KMT2A: variants seen among roughly 807,000 people sequenced by gnomAD.
The protein encoded by KMT2A is lysine methyltransferase 2A.
KMT2A carries 16 observed loss-of-function variants against 345.3 expected under a neutral mutation model. That is an observed-to-expected ratio of 0.05 (90% CI 0.03 to 0.07). The LOEUF is 0.07. Among genes scored for constraint, KMT2A ranks in the 10% least tolerant of loss-of-function variants. The probability of loss-of-function intolerance (pLI) is 1.00; values close to 1 mark genes in which losing one functional copy is unlikely to be tolerated. For synonymous variants in KMT2A, 1,599 were observed against 1,778.6 expected (o/e 0.90, Z 2.54); for missense variants, 3,272 against 4,841.6 (o/e 0.68, Z 9.62).
chr11:118,457,975 C>T (rs576210370), intron 1 of KMT2A, among the ~76,000 whole-genome samples: 29 of 152,056 alleles, frequency 1.9e-4, no homozygotes, highest in Non-Finnish European at 3.8e-4. Context: ...TAGGAATGGC[C>T]GATATATATT....
chr11:118,480,617 AT>A (rs1950114159), intron 6 of KMT2A, among the ~76,000 whole-genome samples: 2 of 151,976 alleles, frequency 1.3e-5, no homozygotes, highest in Admixed American at 6.6e-5. Context: ...TTTTAAATGT[AT>A]TTTTTTAACT....
intron 7 of KMT2A, 83 bp from the exon 8 acceptor site, chr11:118,482,339 C>G: frequency 7.2e-5 from 35 of 484,418 alleles, no homozygotes; most frequent in Non-Finnish European, 8.1e-5. Flanking sequence ...TTTTTTTTTT[C>G]TAATGGCCCT....
Position 118,468,854 on chromosome 11 carries a change from A to G in KMT2A, c.502+10A>G, listed in dbSNP as rs372798047. 1.3e-4 allele frequency: 208 copies of G among 1,609,036 alleles called. No individual in the cohort carries two copies. The highest frequency in any genetic ancestry group is 8.8e-5 in the Non-Finnish European group (104 of 1,175,650). ...ACAAGGTCTCCTTCAGGTACGGCCA[A>G]TTAAGTGCATGGTGCCTTTTAAGTT... is the stretch of plus-strand genomic sequence containing the variant. On this transcript the variant is annotated intron_variant, in intron 2 of 35. Transcript: ENST00000534358.
At position 118,511,774 on chromosome 11, in the gene KMT2A, G is replaced by T. The variant is rs142052731; in HGVS notation, c.11072-177G>T. ...CCCTGCTGGGGAGTGTACCTTTTCGGCTCCTTTCACATGTAATGAACTGAC... is the reference window on the plus strand; with the variant it reads ...CCCTGCTGGGGAGTGTACCTTTTCGTCTCCTTTCACATGTAATGAACTGAC... On this transcript the variant is annotated intron_variant, in intron 30 of 35. Coordinates refer to ENST00000534358, the MANE Select transcript of KMT2A (RefSeq NM_001197104.2). 8.3e-5 allele frequency: 53 copies of T among 642,196 alleles called. No homozygotes were observed. In the East Asian group the frequency reaches 1.4e-3, roughly 17 times the overall value. The allele number at this position is 642,196 out of a possible 1,614,324, so 39.8% of individuals were successfully genotyped here. A position where few individuals can be genotyped will look rare whatever the true frequency, so the allele number is the denominator to read the frequency against.
chr11:118,481,156 C>A (rs1555039064), intron 6 of KMT2A, among the ~76,000 whole-genome samples: 2 of 152,010 alleles, frequency 1.3e-5, no homozygotes, highest in African/African-American at 2.4e-5. Context: ...CTGTAATCAC[C>A]CTGTTGTACT....
At chr11:118,487,004 T>G (rs1005549584) in intron 10 of KMT2A, among the ~76,000 whole-genome samples, 17 of 152,202 alleles carry the variant, frequency 1.1e-4, no homozygotes, top group African/African-American at 3.9e-4. Context: ...CACTTGCCAT[T>G]TGAAGTTATT....
chr11:118,496,113 G>T lies in KMT2A; in HGVS notation c.5558-148G>T, dbSNP rs1235145832. 3 of 712,090 alleles carry T rather than the reference G, an allele frequency of 4.2e-6. No individual in the cohort carries two copies. Among genetic ancestry groups the T allele is most frequent in the Non-Finnish European group, 7.2e-6 (3 of 418,640 alleles). 44.1% of individuals were successfully genotyped at this position (712,090 alleles called of 1,614,324 possible). On this transcript the variant is annotated intron_variant, in intron 19 of 35. Coordinates refer to ENST00000534358, the MANE Select transcript of KMT2A (RefSeq NM_001197104.2). The surrounding 1 kb of genome is among the most constrained non-coding windows in gnomAD (Gnocchi z 4.7). ...ATTGTAACATAGATGATGAGGTAGC[G>T]TAACTCTGAACACTTTTTGAAAAGT...
chr11:118,519,814 C>T (rs1400178071), intron 32 of KMT2A, 22 bp downstream of exon 32: 18 of 1,605,858 alleles, frequency 1.1e-5, no homozygotes, highest in Admixed American at 6.7e-5. Flanking sequence ...TCTTTTCTGT[C>T]AGCAGTTTTG....
rs1436400623 is a variant in KMT2A, at chr11:118,491,621, C to T, written c.4820-123C>T. On this transcript the variant is annotated intron_variant, in intron 14 of 35. Transcript: ENST00000534358. The surrounding 1 kb of genome is among the most constrained non-coding windows in gnomAD (Gnocchi z 4.2). The stretch of plus-strand genomic sequence containing the variant: ...TCAATATGTGTCATATCCATGAGGA[C>T]ATTAAAATCTTAATGTGGTTCCCAA... 3 of 739,530 alleles carry T rather than the reference C, an allele frequency of 4.1e-6. No individual in the cohort carries two copies. Among genetic ancestry groups the T allele is most frequent in the Non-Finnish European group, 6.4e-6 (3 of 466,410 alleles). 45.8% of individuals were successfully genotyped at this position (739,530 alleles called of 1,614,324 possible). A position where few individuals can be genotyped will look rare whatever the true frequency, so the allele number is the denominator to read the frequency against.
intron 11 of KMT2A, 110 bp downstream of exon 11, chr11:118,488,870 G>A: frequency 2.3e-6 from 2 of 882,218 alleles, no homozygotes; most frequent in South Asian, 1.7e-5. Context: ...ATGAGTAGTT[G>A]CCTCTGTACT....
chr11:118,496,390 C>T lies in KMT2A; in HGVS notation c.5664+23C>T, dbSNP rs1307543811. 3.9e-6 allele frequency: 6 copies of T among 1,523,790 alleles called. No homozygotes were observed. The highest frequency in any genetic ancestry group is 4.6e-6 in the Non-Finnish European group (5 of 1,098,050). The allele number at this position is 1,523,790 out of a possible 1,614,324, so 94.4% of individuals were successfully genotyped here. ...AATGTAAGTACTTTGCAACACAGGG[C>T]CCTAGTTAATACATACTCCAAAAGA... On this transcript the variant is annotated intron_variant, in intron 20 of 35. Coordinates refer to ENST00000534358, the MANE Select transcript of KMT2A (RefSeq NM_001197104.2). The surrounding 1 kb of genome is among the most constrained non-coding windows in gnomAD (Gnocchi z 4.7).
intron 25 of KMT2A, 51 bp from the exon 26 acceptor site, chr11:118,501,621 T>A (rs1286712258): frequency 1.4e-6 from 2 of 1,477,360 alleles, no homozygotes; most frequent in African/African-American, 2.8e-5. Flanking sequence ...TTAATTTGTT[T>A]GATATTTTAA....
At chr11:118,439,925 C>CTTT (rs782040203) in intron 1 of KMT2A, among the ~76,000 whole-genome samples, 4 of 139,942 alleles carry the variant, frequency 2.9e-5, no homozygotes, top group African/African-American at 1.0e-4. Flanking sequence ...GAAGCAAGCA[C>CTTT]TTTTTTTTTT....
chr11:118,448,293 G>A (rs1555027762), intron 1 of KMT2A: 1 of 152,142 alleles, frequency 6.6e-6, no homozygotes, highest in East Asian at 1.9e-4. Context: ...GTTCAGAATA[G>A]CTCTTGTTAA....
At chr11:118,464,534 T>C (rs538407706) in intron 1 of KMT2A, among the ~76,000 whole-genome samples, 1 of 147,410 alleles carries the variant, frequency 6.8e-6, no homozygotes, top group Non-Finnish European at 1.5e-5. Flanking sequence ...AGGGAAACTC[T>C]GTCTCAAAAA....
chr11:118,455,195 G>A (rs1334015548), intron 1 of KMT2A, among the ~76,000 whole-genome samples: 1 of 152,008 alleles, frequency 6.6e-6, no homozygotes, highest in African/African-American at 2.4e-5. Flanking sequence ...CCAGCCCCTA[G>A]TGTCTTTTAT....
At position 118,506,343 on chromosome 11, in the gene KMT2A, C is replaced by T; in HGVS notation, c.10451C>T (p.Ser3484Phe). ...GATTCTGCTTCAGGGCCCCAGGTAT[C>T]CAACTTTACCCAGACGGTAGACGCT... The part of the protein sequence containing the change: ...DLDSASGPQV[S>F]NFTQTVDAPN... Residue 3484 changes from serine to phenylalanine, a missense_variant, in exon 27 of 36, where the codon TCC becomes TTC. Physicochemically the swap from Ser to Phe is radical, Grantham distance 155. Coordinates refer to ENST00000534358, the MANE Select transcript of KMT2A (RefSeq NM_001197104.2). The T allele has an allele frequency of 1.9e-6, 3 of 1,614,142 alleles. No individual in the cohort carries two copies. The highest frequency in any genetic ancestry group is 2.5e-6 in the Non-Finnish European group (3 of 1,180,026).
Position 118,506,601 on chromosome 11 carries a change from C to G in KMT2A, c.10709C>G (p.Ala3570Gly), listed in dbSNP as rs781803942. Residue 3570 changes from alanine (A) to glycine (G), a missense_variant, in exon 27 of 36, where the codon GCA becomes GGA. Ala to Gly is a moderately conservative substitution (Grantham distance 60). Coordinates refer to ENST00000534358, the MANE Select transcript of KMT2A (RefSeq NM_001197104.2). ...VSHLRTSSSE[A>G]HIPDQETTSL... ...CATTTGCGGACCAGTTCTTCTGAAG[C>G]ACACATTCCAGACCAAGAAACGACA... 1 of 1,613,002 alleles carries G rather than the reference C, an allele frequency of 6.2e-7. No individual in the cohort carries two copies. The highest frequency in any genetic ancestry group is 1.1e-5 in the South Asian group (1 of 90,902).
chr11:118,525,540 C>T lies in KMT2A; in HGVS notation c.*3368C>T, dbSNP rs1465360756. The T allele has an allele frequency of 4.5e-6, 1 of 222,836 alleles. No homozygotes were observed. Among genetic ancestry groups the T allele is most frequent in the African/African-American group, 2.2e-5 (1 of 44,520 alleles). The allele number at this position is 222,836 out of a possible 1,614,324, so 13.8% of individuals were successfully genotyped here. On this transcript the variant is annotated 3_prime_UTR_variant, in exon 36 of 36. Transcript: ENST00000534358. Reference sequence around the variant, plus strand: ...CCGGGACCCAGCCCGCCACCCTGCTCGCCTCCGTCAAACCCCCGGCCAATG... The same window carrying T: ...CCGGGACCCAGCCCGCCACCCTGCTTGCCTCCGTCAAACCCCCGGCCAATG...
Sources: allele counts gnomAD v4.1 joint callset (sites outside exome capture counted in the v4.1 genomes callset), GRCh38; gene constraint gnomAD v4.1.1; non-coding constraint Gnocchi (gnomAD v3.1); transcripts MANE v1.5; gene names NCBI Gene and HGNC (gene_info 2026-07-23, HGNC 2026-07-21).